The following CTAGE1 variants were observed in gnomAD, a reference collection of about 807,000 sequenced individuals.
CTAGE1 encodes cutaneous T cell lymphoma-associated antigen 1.
For synonymous variants in CTAGE1, 332 were observed against 302.8 expected (o/e 1.10, Z -1.00); for missense variants, 963 against 855.9 (o/e 1.13, Z -1.56).
rs752629888 is a variant in CTAGE1 at position 22,417,588 on chromosome 18, C to T, written c.224G>A (p.Gly75Asp). 13 of 1,613,976 alleles carry T rather than the reference C, an allele frequency of 8.1e-6. 1 individual carries two copies. In the South Asian group the frequency reaches 1.2e-4, roughly 15 times the overall value. The change falls in exon 1 of 1, where the codon GGC becomes GAC. Residue 75 changes from glycine (G) to aspartate (D), a missense_variant. Gly to Asp is a moderately conservative substitution (Grantham distance 94). Coordinates refer to ENST00000391403, the MANE Select transcript of CTAGE1 (RefSeq NM_172241.3). ...CTTTAAAGATGACTCTACTTCATAGCCTTCATACTCTTTTTGAACAAGGCT... is the reference window on the plus strand; with the variant it reads ...CTTTAAAGATGACTCTACTTCATAGTCTTCATACTCTTTTTGAACAAGGCT... ...KFSLVQKEYE[G>D]YEVESSLKNA...
chr18:22,416,294 A>T lies in CTAGE1; in HGVS notation c.1518T>A (p.Pro506=). The change falls in exon 1 of 1, where the codon CCT becomes CCA. Residue 506 remains proline, a synonymous_variant. Transcript: ENST00000391403. ...PSSETRASLY[P]PTLLEGPLRL... Reference sequence around the variant, plus strand: ...TGAGAGGACCTTCCAACAAAGTTGGAGGATAGAGAGAAGCTCTCGTTTCAG... The same window carrying T: ...TGAGAGGACCTTCCAACAAAGTTGGTGGATAGAGAGAAGCTCTCGTTTCAG... 1 of 1,613,974 alleles carries T rather than the reference A, an allele frequency of 6.2e-7. No homozygotes were observed. The highest frequency in any genetic ancestry group is 8.5e-7 in the Non-Finnish European group (1 of 1,179,854).
At position 22,414,936 on chromosome 18, in the gene CTAGE1, G is replaced by A. The variant is rs986032479; in HGVS notation, c.*638C>T. ...TTCTTGAGGAAAACAGAGGAAACAC[G>A]AATACTTTCTGCTATAAATGTTTTA... On this transcript the variant is annotated 3_prime_UTR_variant, in exon 1 of 1. Coordinates refer to ENST00000391403, the MANE Select transcript of CTAGE1 (RefSeq NM_172241.3). 7.9e-6 allele frequency: 5 copies of A among 631,566 alleles called. No individual in the cohort carries two copies. Among genetic ancestry groups the A allele is most frequent in the South Asian group, 5.7e-5 (3 of 52,712 alleles). The allele number at this position is 631,566 out of a possible 1,614,324, so 39.1% of individuals were successfully genotyped here.
At position 22,417,400 on chromosome 18, in the gene CTAGE1, C is replaced by G. The variant is rs1393006674; in HGVS notation, c.412G>C (p.Asp138His). Residue 138 changes from aspartate (D) to histidine (H), a missense_variant, in exon 1 of 1, where the codon GAT (aspartate) becomes CAT (histidine). Physicochemically the swap from Asp to His is moderately conservative, Grantham distance 81 (BLOSUM62 -1). Transcript: ENST00000391403. ...AGCGACTGTATCCTTTTGGAAATAT[C>G]CGCCATCAATTCATTTTGTTCAGAA... The part of the protein sequence containing the change: ...KHSEQNELMA[D>H]ISKRIQSLED... The G allele has an allele frequency of 6.2e-7, 1 of 1,613,830 alleles. No homozygotes were observed. Among genetic ancestry groups the G allele is most frequent in the African/African-American group, 1.3e-5 (1 of 74,918 alleles).
In CTAGE1 at chr18:22,415,861, C is replaced by T. The variant is rs538241348; in HGVS notation, c.1951G>A (p.Ala651Thr). ...CCAGGGCCAGTTGCTTCATTTTCAG[C>T]GGGGAGAGATGAATCAGGCACCTTT... The part of the protein sequence containing the change: ...NLKVPDSSLP[A>T]ENEATGPGFV... Residue 651 changes from alanine (A) to threonine (T), a missense_variant, in exon 1 of 1, where the codon GCT (alanine) becomes ACT (threonine). Physicochemically the swap from Ala to Thr is moderately conservative, Grantham distance 58. Coordinates refer to ENST00000391403, the MANE Select transcript of CTAGE1 (RefSeq NM_172241.3). The T allele has an allele frequency of 1.1e-5, 17 of 1,613,742 alleles. No individual in the cohort carries two copies. Among genetic ancestry groups the T allele is most frequent in the Middle Eastern group, 1.6e-4 (1 of 6,078 alleles).
In CTAGE1 at chr18:22,416,685, C is replaced by T. The variant is rs186065608; in HGVS notation, c.1127G>A (p.Cys376Tyr). ...LYRKLIVEEK[C>Y]RLEKEEKLSK... ...AAGTTTCTCTTCTTTCTCTAACCGGCATTTTTCCTCTACTATTAATTTCCT... is the reference window on the plus strand; with the variant it reads ...AAGTTTCTCTTCTTTCTCTAACCGGTATTTTTCCTCTACTATTAATTTCCT... Residue 376 changes from cysteine (C) to tyrosine (Y), a missense_variant, in exon 1 of 1, where the codon TGC becomes TAC. Physicochemically the swap from Cys to Tyr is radical, Grantham distance 194. Transcript: ENST00000391403. 149 of 1,613,916 alleles carry T rather than the reference C, an allele frequency of 9.2e-5. No individual in the cohort carries two copies. Among genetic ancestry groups the T allele is most frequent in the Non-Finnish European group, 1.2e-4 (141 of 1,179,956 alleles).
chr18:22,415,971 A>T lies in CTAGE1; in HGVS notation c.1841T>A (p.Met614Lys), dbSNP rs773342667. ...SGPAELRSFN[M>K]PSLDKMDGSM... ...CCCATCCATTTTATCCAAAGAAGGCATATTAAAACTTCTGAGTTCTGCTGG... is the reference window on the plus strand; with the variant it reads ...CCCATCCATTTTATCCAAAGAAGGCTTATTAAAACTTCTGAGTTCTGCTGG... Residue 614 changes from methionine (M) to lysine (K), a missense_variant, in exon 1 of 1, where the codon ATG (methionine) becomes AAG (lysine). Transcript: ENST00000391403. 3 of 1,613,850 alleles carry T rather than the reference A, an allele frequency of 1.9e-6. No homozygotes were observed. The highest frequency in any genetic ancestry group is 2.5e-6 in the Non-Finnish European group (3 of 1,179,876).
chr18:22,415,075 T>G lies in CTAGE1; in HGVS notation c.*499A>C, dbSNP rs2143790376. ...ACATAGTATTCTACCTTCCCACCTG[T>G]GCATATTTATATATTTCTTTTTTTA... On this transcript the variant is annotated 3_prime_UTR_variant, in exon 1 of 1. Coordinates refer to ENST00000391403, the MANE Select transcript of CTAGE1 (RefSeq NM_172241.3). 1 of 329,368 alleles carries G rather than the reference T, an allele frequency of 3.0e-6. No homozygotes were observed. The highest frequency in any genetic ancestry group is 1.1e-4 in the South Asian group (1 of 8,732). 20.4% of individuals were successfully genotyped at this position (329,368 alleles called of 1,614,324 possible). A position where few individuals can be genotyped will look rare whatever the true frequency, so the allele number is the denominator to read the frequency against.
Position 22,414,876 on chromosome 18 carries a change from A to G in CTAGE1, c.*698T>C. On this transcript the variant is annotated 3_prime_UTR_variant, in exon 1 of 1. Transcript: ENST00000391403. Reference sequence around the variant, plus strand: ...ACATAGGAAGAAATTAGCTTAGGGAAGACGAAGGGAAGGAAAGGGAGGGCG... The same window carrying G: ...ACATAGGAAGAAATTAGCTTAGGGAGGACGAAGGGAAGGAAAGGGAGGGCG... 1 of 688,448 alleles carries G rather than the reference A, an allele frequency of 1.5e-6. No individual in the cohort carries two copies. The highest frequency in any genetic ancestry group is 2.6e-6 in the Non-Finnish European group (1 of 380,358). The allele number at this position is 688,448 out of a possible 1,614,324, so 42.6% of individuals were successfully genotyped here.
rs3841259 is a variant in CTAGE1, at chr18:22,415,092, CT to C, written c.*481del. ...CCCACCTGTGCATATTTATATATTTCTTTTTTTAAATTTTTTAAATTTTTTT... is the reference window on the plus strand; with the variant it reads ...CCCACCTGTGCATATTTATATATTTCTTTTTTAAATTTTTTAAATTTTTTT... On this transcript the variant is annotated 3_prime_UTR_variant, in exon 1 of 1. Transcript: ENST00000391403. The C allele has an allele frequency of 1.1e-5, 3 of 271,036 alleles. No homozygotes were observed. The highest frequency in any genetic ancestry group is 1.5e-4 in the South Asian group (1 of 6,784). 16.8% of individuals were successfully genotyped at this position (271,036 alleles called of 1,614,324 possible).
In CTAGE1 at chr18:22,414,638, G is replaced by A. The variant is rs1322871874; in HGVS notation, c.*936C>T. The stretch of plus-strand genomic sequence containing the variant: ...CCAACTGCAATTAAGCACTATCTTA[G>A]ATTTACTCCTTCCCCTTGCCACAGC... On this transcript the variant is annotated 3_prime_UTR_variant, in exon 1 of 1. Coordinates refer to ENST00000391403, the MANE Select transcript of CTAGE1 (RefSeq NM_172241.3). The A allele has an allele frequency of 1.4e-6, 1 of 701,338 alleles. No individual in the cohort carries two copies. Among genetic ancestry groups the A allele is most frequent in the Non-Finnish European group, 2.6e-6 (1 of 384,650 alleles). 43.4% of individuals were successfully genotyped at this position (701,338 alleles called of 1,614,324 possible).
In CTAGE1 at chr18:22,417,625, G is replaced by T. The variant is rs780833872; in HGVS notation, c.187C>A (p.Leu63Ile). The T allele has an allele frequency of 6.2e-7, 1 of 1,613,884 alleles. No homozygotes were observed. Among genetic ancestry groups the T allele is most frequent in the Non-Finnish European group, 8.5e-7 (1 of 1,179,866 alleles). ...SGLIEEKCKL[L>I]EKFSLVQKEY... ...TTTTGAACAAGGCTAAATTTTTCAA[G>T]TAGTTTACATTTTTCTTCAATTAGT... The change falls in exon 1 of 1, where the codon CTT (leucine) becomes ATT (isoleucine). Residue 63 changes from leucine (L) to isoleucine (I), a missense_variant. Leu to Ile is a conservative substitution (Grantham distance 5, BLOSUM62 2). Transcript: ENST00000391403.
In CTAGE1 at chr18:22,414,901, G is replaced by C; in HGVS notation, c.*673C>G. On this transcript the variant is annotated 3_prime_UTR_variant, in exon 1 of 1. Coordinates refer to ENST00000391403, the MANE Select transcript of CTAGE1 (RefSeq NM_172241.3). ...AGACGAAGGGAAGGAAAGGGAGGGCGAAGAAACCATTCTTGAGGAAAACAG... is the reference window on the plus strand; with the variant it reads ...AGACGAAGGGAAGGAAAGGGAGGGCCAAGAAACCATTCTTGAGGAAAACAG... 1.5e-6 allele frequency: 1 copy of C among 660,104 alleles called. No individual in the cohort carries two copies. Among genetic ancestry groups the C allele is most frequent in the South Asian group, 1.7e-5 (1 of 59,318 alleles). The allele number at this position is 660,104 out of a possible 1,614,324, so 40.9% of individuals were successfully genotyped here.
In CTAGE1 at chr18:22,416,549, C is replaced by T; in HGVS notation, c.1263G>A (p.Lys421=). 2 of 1,611,374 alleles carry T rather than the reference C, an allele frequency of 1.2e-6. No individual in the cohort carries two copies. Among genetic ancestry groups the T allele is most frequent in the Non-Finnish European group, 1.7e-6 (2 of 1,179,464 alleles). Reference sequence around the variant, plus strand: ...GTGCTTTTTTCTCATGGAGAATAATCTTCTTTTGATAAAAATGAATAGTTT... The same window carrying T: ...GTGCTTTTTTCTCATGGAGAATAATTTTCTTTTGATAAAAATGAATAGTTT... The part of the protein sequence containing the change: ...FEKTIHFYQK[K]IILHEKKAHD... The change falls in exon 1 of 1, where the codon AAG becomes AAA. Residue 421 remains lysine, a synonymous_variant. Transcript: ENST00000391403.
rs1199817199 is a variant in CTAGE1, at chr18:22,415,750, A to T, written c.2062T>A (p.Phe688Ile). ...RGPFIRRGPP[F>I]PPPPPGTVFG... ...ACGGTTCCTGGAGGAGGTGGGGGGA[A>T]AGGAGGTCCTCTTCTTATGAACGGG... The change falls in exon 1 of 1, where the codon TTC (phenylalanine) becomes ATC (isoleucine). Residue 688 changes from phenylalanine to isoleucine, a missense_variant. Coordinates refer to ENST00000391403, the MANE Select transcript of CTAGE1 (RefSeq NM_172241.3). 6.2e-7 allele frequency: 1 copy of T among 1,613,992 alleles called. No homozygotes were observed. The highest frequency in any genetic ancestry group is 8.5e-7 in the Non-Finnish European group (1 of 1,179,908).
Position 22,416,460 on chromosome 18 carries a change from G to A in CTAGE1, c.1352C>T (p.Ala451Val). The A allele has an allele frequency of 6.2e-7, 1 of 1,613,990 alleles. No homozygotes were observed. The highest frequency in any genetic ancestry group is 8.5e-7 in the Non-Finnish European group (1 of 1,179,948). Residue 451 changes from alanine to valine, a missense_variant, in exon 1 of 1, where the codon GCT becomes GTT. Physicochemically the swap from Ala to Val is moderately conservative, Grantham distance 64 (BLOSUM62 0). Coordinates refer to ENST00000391403, the MANE Select transcript of CTAGE1 (RefSeq NM_172241.3). ...TTCAGTTAATTTTTGTCTGTTGTGAGCATTTTCTTTCCTTAAATCATTGAG... is the reference window on the plus strand; with the variant it reads ...TTCAGTTAATTTTTGTCTGTTGTGAACATTTTCTTTCCTTAAATCATTGAG... ...RNLNDLRKEN[A>V]HNRQKLTEIE...
rs1381435341 is a variant in CTAGE1, at chr18:22,414,111, C to G, written c.*1463G>C. On this transcript the variant is annotated 3_prime_UTR_variant, in exon 1 of 1. Coordinates refer to ENST00000391403, the MANE Select transcript of CTAGE1 (RefSeq NM_172241.3). ...ATGTCTTTTCTGATTAGAAGTTCTTCCTTGATACCTTGGATAAATAGTATT... is the reference window on the plus strand; with the variant it reads ...ATGTCTTTTCTGATTAGAAGTTCTTGCTTGATACCTTGGATAAATAGTATT... 6.6e-6 allele frequency: 1 copy of G among 152,118 alleles called. No individual in the cohort carries two copies. The highest frequency in any genetic ancestry group is 1.5e-5 in the Non-Finnish European group (1 of 68,034). 9.4% of individuals were successfully genotyped at this position (152,118 alleles called of 1,614,324 possible). A position where few individuals can be genotyped will look rare whatever the true frequency, so the allele number is the denominator to read the frequency against.
rs199824409 is a variant in CTAGE1, at chr18:22,417,560, A to G, written c.252T>C (p.Asn84=). 4 of 1,613,990 alleles carry G rather than the reference A, an allele frequency of 2.5e-6. No homozygotes were observed. Among genetic ancestry groups the G allele is most frequent in the Non-Finnish European group, 3.4e-6 (4 of 1,179,878 alleles). Residue 84 remains asparagine (N), a synonymous_variant, in exon 1 of 1, where the codon AAT becomes AAC. Transcript: ENST00000391403. ...CTGTTGCCTCCTTCTCAAAGCTGGC[A>G]TTCTTTAAAGATGACTCTACTTCAT... is the stretch of plus-strand genomic sequence containing the variant. ...EGYEVESSLK[N]ASFEKEATEA...
rs965166100 is a variant in CTAGE1 at position 22,417,898 on chromosome 18, T to C, written c.-87A>G. ...TGAGGGTTAGCCCTAGGCTCCTCCG[T>C]AGCGCCAAGGCTGCTCTGGCGGTTG... On this transcript the variant is annotated 5_prime_UTR_variant, in exon 1 of 1. Transcript: ENST00000391403. 7.5e-7 allele frequency: 1 copy of C among 1,332,732 alleles called. No individual in the cohort carries two copies. Among genetic ancestry groups the C allele is most frequent in the Non-Finnish European group, 1.1e-6 (1 of 935,988 alleles). 82.6% of individuals were successfully genotyped at this position (1,332,732 alleles called of 1,614,324 possible).
At position 22,417,552 on chromosome 18, in the gene CTAGE1, A is replaced by G. The variant is rs774596328; in HGVS notation, c.260T>C (p.Phe87Ser). ...EVESSLKNAS[F>S]EKEATEAQSL... ...TTGTGCTTCTGTTGCCTCCTTCTCA[A>G]AGCTGGCATTCTTTAAAGATGACTC... The change falls in exon 1 of 1, where the codon TTT becomes TCT. Residue 87 changes from phenylalanine (F) to serine (S), a missense_variant. Physicochemically the swap from Phe to Ser is radical, Grantham distance 155. Transcript: ENST00000391403. 2 of 1,614,000 alleles carry G rather than the reference A, an allele frequency of 1.2e-6. No individual in the cohort carries two copies. The highest frequency in any genetic ancestry group is 3.3e-5 in the Admixed American group (2 of 60,012).
Sources: allele counts gnomAD v4.1 joint callset, GRCh38; gene constraint gnomAD v4.1.1; transcripts MANE v1.5; gene names NCBI Gene and HGNC (gene_info 2026-07-23, HGNC 2026-07-21).